The following LARP1B variants were observed in gnomAD, a reference collection of about 807,000 sequenced individuals.
LARP1B encodes la-related protein 1B.
LARP1B carries 76 observed loss-of-function variants against 114.2 expected under a neutral mutation model. That is an observed-to-expected ratio of 0.67 (90% CI 0.55 to 0.81). The LOEUF (loss-of-function observed/expected upper bound fraction) is 0.81. LARP1B is among the 30% of genes least tolerant of loss of function. The probability of loss-of-function intolerance (pLI) is 0.00; values close to 1 mark genes in which losing one functional copy is unlikely to be tolerated. For missense variants in LARP1B, 1,014 were observed against 1,075.8 expected (o/e 0.94, Z 0.80); for synonymous variants, 345 against 348.0 (o/e 0.99, Z 0.10).
chr4:128,211,176 T>G lies in LARP1B; in HGVS notation c.*1123T>G. The G allele has an allele frequency of 7.6e-6, 7 of 922,932 alleles. No homozygotes were observed. Among genetic ancestry groups the G allele is most frequent in the Non-Finnish European group, 9.1e-6 (7 of 773,070 alleles). The allele number at this position is 922,932 out of a possible 1,614,324, so 57.2% of individuals were successfully genotyped here. A position where few individuals can be genotyped will look rare whatever the true frequency, so the allele number is the denominator to read the frequency against. On this transcript the variant is annotated 3_prime_UTR_variant, in exon 20 of 20. Coordinates refer to ENST00000326639, the MANE Select transcript of LARP1B (RefSeq NM_018078.4). The stretch of plus-strand genomic sequence containing the variant: ...TTAATTATTTTTATTTAGAATATAG[T>G]TGAAAAGCTGTAATATTCAGTTTTG...
intron 15 of LARP1B, among the ~76,000 whole-genome samples, chr4:128,188,121 C>T (rs1430827853): frequency 6.6e-6 from 1 of 150,576 alleles, no homozygotes; most frequent in East Asian, 2.0e-4. Flanking sequence ...GTTGCCCAGG[C>T]TCAAGTGCAG....
rs869184167 is a variant in LARP1B, at chr4:128,098,767, ATT to A, written c.813+464_813+465del. ...TATGTGTATATATATATATATATAT[ATT>A]TTTTTTTTTTTTTTTTTTTTTTTTT... On this transcript the variant is annotated intron_variant, in intron 8 of 19. Transcript: ENST00000326639. Among the ~76,000 whole-genome samples, 53 of 35,010 alleles carry A rather than the reference ATT, an allele frequency of 1.5e-3. 1 individual carries two copies. The highest frequency in any genetic ancestry group is 5.2e-3 in the African/African-American group (41 of 7,928). 23.0% of individuals were successfully genotyped at this position (35,010 alleles called of 152,430 possible). A position where few individuals can be genotyped will look rare whatever the true frequency, so the allele number is the denominator to read the frequency against.
At chr4:128,136,256 G>A (rs1725214774) in intron 11 of LARP1B, among the ~76,000 whole-genome samples, 1 of 151,370 alleles carries the variant, frequency 6.6e-6, no homozygotes, top group Admixed American at 6.6e-5. Flanking sequence ...TTGCGCCATC[G>A]TACTTCAGTC....
rs12508837 is a variant in LARP1B at position 128,122,049 on chromosome 4, C to G, written c.1385C>G (p.Pro462Arg). The G allele has an allele frequency of 0.64, 1,036,790 of 1,613,310 alleles. 337,340 individuals are homozygous for G. The highest frequency in any genetic ancestry group is 0.82 in the Middle Eastern group (4,963 of 6,016). ...TQTPPYVKKHPGGDRTGTHMS... is the reference protein window; with the variant it reads ...TQTPPYVKKHRGGDRTGTHMS... ...ACACCACCTTATGTGAAAAAACATC[C>G]TGGAGGAGATCGAACAGGCACCCAC... is the stretch of plus-strand genomic sequence containing the variant. The change falls in exon 11 of 20, where the codon CCT (proline) becomes CGT (arginine). Residue 462 changes from proline (P) to arginine (R), a missense_variant. Transcript: ENST00000326639.
At chr4:128,207,713 T>C (rs1578779485) in intron 19 of LARP1B, among the ~76,000 whole-genome samples, 1 of 152,242 alleles carries the variant, frequency 6.6e-6, no homozygotes, top group East Asian at 1.9e-4. Context: ...TTTTCACTTT[T>C]TAATGATCTT....
chr4:128,065,327 C>CTTTCCTT (rs1561012930), intron 1 of LARP1B, among the ~76,000 whole-genome samples: 1 of 113,264 alleles, frequency 8.8e-6, no homozygotes, highest in Non-Finnish European at 1.9e-5. Flanking sequence ...CTCTCTCTCT[C>CTTTCCTT]TCTCTTTCCT....
chr4:128,068,859 C>T (rs930845286), intron 1 of LARP1B, among the ~76,000 whole-genome samples: 1 of 152,244 alleles, frequency 6.6e-6, no homozygotes, highest in Non-Finnish European at 1.5e-5. Flanking sequence ...ATCACTTATT[C>T]TCTTCAAGCA....
intron 12 of LARP1B, among the ~76,000 whole-genome samples, chr4:128,167,861 C>T (rs1197775450): frequency 6.6e-6 from 1 of 152,002 alleles, no homozygotes; most frequent in Non-Finnish European, 1.5e-5. Context: ...TCTAGAATGT[C>T]ATATAAATAG....
intron 15 of LARP1B, among the ~76,000 whole-genome samples, chr4:128,182,273 C>T (rs1310564862): frequency 6.6e-6 from 1 of 151,970 alleles, no homozygotes; most frequent in Non-Finnish European, 1.5e-5. Context: ...GCCACCATAT[C>T]CAGCTAATTT....
chr4:128,162,060 T>G, intron 11 of LARP1B, 134 bp from the exon 12 acceptor site: 1 of 695,996 alleles, frequency 1.4e-6, no homozygotes, highest in Non-Finnish European at 2.4e-6. Flanking sequence ...AGACTCTTTA[T>G]TAGAACGTCT....
intron 17 of LARP1B, among the ~76,000 whole-genome samples, chr4:128,201,085 G>A (rs1318301299): frequency 6.6e-6 from 1 of 152,172 alleles, no homozygotes; most frequent in African/African-American, 2.4e-5. Flanking sequence ...GGAGGCTTCA[G>A]TTCCTTGCCA....
Position 128,140,621 on chromosome 4 carries a change from A to G in LARP1B, c.1524+18433A>G, listed in dbSNP as rs1240888138. On this transcript the variant is annotated intron_variant, in intron 11 of 19. Transcript: ENST00000326639. The stretch of plus-strand genomic sequence containing the variant: ...AAATACTAACAGTTGTGTTTCTGGT[A>G]GTTGTTACATGAATGCGTTATAAGT... Among the ~76,000 whole-genome samples the G allele has an allele frequency of 6.6e-5, 10 of 152,268 alleles. No homozygotes were observed. The East Asian group carries it at 1.2e-3, about 18-fold the overall frequency.
intron 5 of LARP1B, 146 bp from the exon 6 acceptor site, chr4:128,090,855 C>T (rs1775663794): frequency 2.2e-5 from 13 of 587,232 alleles, no homozygotes; most frequent in Non-Finnish European, 2.0e-5. Flanking sequence ...TATTGGATCT[C>T]TTCAGTTTGT....
At chr4:128,097,305 GTTT>G (rs1450261087) in intron 7 of LARP1B, among the ~76,000 whole-genome samples, 3 of 151,672 alleles carry the variant, frequency 2.0e-5, no homozygotes, top group Non-Finnish European at 4.4e-5. Flanking sequence ...AGTTTTTTTT[GTTT>G]TGTTTTGTTT....
rs1735548502 is a variant in LARP1B at position 128,156,190 on chromosome 4, C to T, written c.1525-6004C>T. 3.1e-6 allele frequency: 5 copies of T among 1,608,078 alleles called. No individual in the cohort carries two copies. In the South Asian group the frequency reaches 3.3e-5, roughly 11 times the overall value. ...CTCTGACCCCCTTGGCTCTCCAACC[C>T]TCCTCGCTTTGTGAGGCACCCGAGC... On this transcript the variant is annotated intron_variant, in intron 11 of 19. Transcript: ENST00000326639.
chr4:128,148,202 A>G (rs1270999069), intron 11 of LARP1B, among the ~76,000 whole-genome samples: 1 of 152,152 alleles, frequency 6.6e-6, no homozygotes, highest in African/African-American at 2.4e-5. Context: ...AGGCTGAGGC[A>G]GGTAGATCAC....
At position 128,082,406 on chromosome 4, in the gene LARP1B, A is replaced by G; in HGVS notation, c.358+101A>G. Reference sequence around the variant, plus strand: ...TATAAACCATTTGAGAATAAGTTGAAGACATCATGTCCCTTTAACCCCAAA... The same window carrying G: ...TATAAACCATTTGAGAATAAGTTGAGGACATCATGTCCCTTTAACCCCAAA... On this transcript the variant is annotated intron_variant, in intron 5 of 19. Coordinates refer to ENST00000326639, the MANE Select transcript of LARP1B (RefSeq NM_018078.4). 6 of 1,043,426 alleles carry G rather than the reference A, an allele frequency of 5.8e-6. No individual in the cohort carries two copies. In the Admixed American group the frequency reaches 1.0e-4, roughly 18 times the overall value. The allele number at this position is 1,043,426 out of a possible 1,614,324, so 64.6% of individuals were successfully genotyped here. A position where few individuals can be genotyped will look rare whatever the true frequency, so the allele number is the denominator to read the frequency against.
chr4:128,219,617 G>A (rs1207240321), intron 6 of LARP1B, among the ~76,000 whole-genome samples: 2 of 118,048 alleles, frequency 1.7e-5, no homozygotes, highest in East Asian at 2.6e-4. Flanking sequence ...GACACAGGAA[G>A]GGGAATATCA....
At chr4:128,079,949 A>G (rs1251267198) in intron 4 of LARP1B, among the ~76,000 whole-genome samples, 1 of 151,242 alleles carries the variant, frequency 6.6e-6, no homozygotes. Context: ...TAGAATCCAT[A>G]CAGATGACAG....
Sources: allele counts gnomAD v4.1 joint callset (sites outside exome capture counted in the v4.1 genomes callset), GRCh38; gene constraint gnomAD v4.1.1; transcripts MANE v1.5; gene names NCBI Gene and HGNC (gene_info 2026-07-23, HGNC 2026-07-21).